NDRG3: variants seen among roughly 807,000 people sequenced by gnomAD.
NDRG3 encodes NDRG family member 3.
A neutral mutation model predicts 57.2 loss-of-function variants in NDRG3; 23 were observed. The observed-to-expected ratio is 0.40, with a 90% CI of 0.29 to 0.57. The LOEUF is 0.57. Ranked by LOEUF, NDRG3 falls within the 20% of genes least tolerant of loss-of-function variation. The pLI, the probability that NDRG3 is intolerant of heterozygous loss-of-function variation, is 0.42. For synonymous variants in NDRG3, 132 were observed against 162.6 expected (o/e 0.81, Z 1.43); for missense variants, 384 against 457.3 (o/e 0.84, Z 1.46).
intron 12 of NDRG3, among the ~76,000 whole-genome samples, chr20:36,660,699 T>A (rs1448245937): frequency 6.6e-6 from 1 of 151,864 alleles, no homozygotes; most frequent in African/African-American, 2.4e-5. Context: ...TAGCTGGGAC[T>A]ACAGGCGCCC....
At position 36,665,180 on chromosome 20, in the gene NDRG3, T is replaced by C. The variant is rs541752854; in HGVS notation, c.758+56A>G. The C allele has an allele frequency of 6.7e-5, 108 of 1,608,380 alleles. No homozygotes were observed. The South Asian group carries it at 1.1e-3, about 17-fold the overall frequency. ...CACCAAATTAGTCTATGAAAGTCTA[T>C]GAACACCAAATTAGTCTATATTTGG... On this transcript the variant is annotated intron_variant, in intron 11 of 15. Coordinates refer to ENST00000349004, the MANE Select transcript of NDRG3 (RefSeq NM_032013.4).
At chr20:36,684,296 C>G in intron 6 of NDRG3, 117 bp downstream of exon 6, 1 of 796,204 alleles carries the variant, frequency 1.3e-6, no homozygotes, top group Non-Finnish European at 2.1e-6. Flanking sequence ...CCCCACTAAG[C>G]TCTAGGAGGA....
intron 2 of NDRG3, among the ~76,000 whole-genome samples, chr20:36,716,276 T>G (rs765940091): frequency 4.3e-4 from 66 of 152,076 alleles, no homozygotes; most frequent in Non-Finnish European, 8.8e-4. Flanking sequence ...CTCATGCCTG[T>G]AATCCCAGCA....
intron 8 of NDRG3, among the ~76,000 whole-genome samples, chr20:36,672,974 C>T (rs1462629211): frequency 3.9e-5 from 6 of 152,112 alleles, no homozygotes; most frequent in African/African-American, 9.7e-5. Context: ...AGCGATTTTC[C>T]GGCCTCAGCC....
exon 1 of NDRG3, chr20:36,746,079 AGCGGCGGCGGCGGCGGCGGCGGCGGCG>A (rs11466997): frequency 3.2e-4 from 81 of 251,428 alleles, 4 homozygotes; most frequent in Admixed American, 1.8e-3. Flanking sequence ...GTGCAGCAGC[AGCGGCGGCGGCGGCGGCGGCGGCGGCG>A]GCGGCGGCGG....
intron 6 of NDRG3, among the ~76,000 whole-genome samples, chr20:36,682,891 C>G (rs1981434464): frequency 6.6e-6 from 1 of 150,826 alleles, no homozygotes; most frequent in Non-Finnish European, 1.5e-5. Context: ...CATGGTGAAA[C>G]CCCGTCTCTA....
chr20:36,672,594 C>T (rs1980267027), intron 8 of NDRG3, among the ~76,000 whole-genome samples: 1 of 152,040 alleles, frequency 6.6e-6, no homozygotes, highest in African/African-American at 2.4e-5. Flanking sequence ...TGTGGGAGGC[C>T]GAGGCCAGCG....
chr20:36,743,498 A>AAATAAT (rs560116629), intron 1 of NDRG3, among the ~76,000 whole-genome samples: 1 of 148,784 alleles, frequency 6.7e-6, no homozygotes, highest in Admixed American at 6.7e-5. Context: ...CCGTCTCAAA[A>AAATAAT]AATAATAATA....
At chr20:36,692,078 C>G (rs1222695432) in intron 3 of NDRG3, among the ~76,000 whole-genome samples, 1 of 152,136 alleles carries the variant, frequency 6.6e-6, no homozygotes, top group Non-Finnish European at 1.5e-5. Context: ...ATTACCTTCA[C>G]TAAACAGACA....
intron 3 of NDRG3, among the ~76,000 whole-genome samples, chr20:36,701,373 C>CA (rs1983210266): frequency 6.6e-6 from 1 of 151,688 alleles, no homozygotes; most frequent in Admixed American, 6.6e-5. Flanking sequence ...CCCATCTCTA[C>CA]AAAAAATATA....
chr20:36,669,058 ATT>A (rs755486543), intron 9 of NDRG3, among the ~76,000 whole-genome samples: 9 of 142,082 alleles, frequency 6.3e-5, no homozygotes, highest in Non-Finnish European at 7.7e-5. Context: ...TGATTTTTGA[ATT>A]TTTTTTTTTT....
chr20:36,731,911 A>G (rs183542877), intron 1 of NDRG3, among the ~76,000 whole-genome samples: 1 of 152,134 alleles, frequency 6.6e-6, no homozygotes, highest in South Asian at 2.1e-4. Context: ...ACTTGAGTCC[A>G]GGAGCTCAAG....
chr20:36,678,314 T>G (rs537822369), intron 8 of NDRG3, among the ~76,000 whole-genome samples: 2 of 151,654 alleles, frequency 1.3e-5, no homozygotes, highest in Non-Finnish European at 2.9e-5. Flanking sequence ...GGCAAAAGAG[T>G]TGAACAAACA....
chr20:36,694,406 C>A (rs979642718), intron 3 of NDRG3, among the ~76,000 whole-genome samples: 1 of 152,202 alleles, frequency 6.6e-6, no homozygotes, highest in African/African-American at 2.4e-5. Flanking sequence ...TCTTGAATAA[C>A]TGGAACCCTT....
intron 1 of NDRG3, among the ~76,000 whole-genome samples, chr20:36,733,160 AAAAAAAAAAAAATATATAT>A (rs1433742410): frequency 1.8e-5 from 1 of 54,730 alleles, no homozygotes; most frequent in African/African-American, 1.2e-4. Context: ...AAAAAAAAAA[AAAAAAAAAAAAATATATAT>A]ATATATATAT....
chr20:36,662,425 C>G (rs997480052), intron 12 of NDRG3, among the ~76,000 whole-genome samples: 6 of 152,018 alleles, frequency 3.9e-5, no homozygotes, highest in Non-Finnish European at 8.8e-5. Context: ...GCCATGTTGG[C>G]CAGGCTGGAA....
At chr20:36,690,948 G>A (rs899429008) in intron 3 of NDRG3, among the ~76,000 whole-genome samples, 3 of 152,256 alleles carry the variant, frequency 2.0e-5, no homozygotes, top group African/African-American at 7.2e-5. Context: ...GGAAAAAAAA[G>A]GGACTACTGA....
intron 12 of NDRG3, among the ~76,000 whole-genome samples, chr20:36,661,780 T>C (rs1282665578): frequency 1.3e-5 from 2 of 152,156 alleles, no homozygotes; most frequent in Admixed American, 6.5e-5. Flanking sequence ...GCCTACATGA[T>C]AGACTGCAAG....
intron 8 of NDRG3, 121 bp from the exon 9 acceptor site, chr20:36,671,518 C>T (rs1600869257): frequency 1.3e-6 from 1 of 754,000 alleles, no homozygotes; most frequent in Non-Finnish European, 2.2e-6. Context: ...ATGAAAAACC[C>T]TTGGCCAGGT....
Sources: gnomAD v4.1 joint callset for allele counts (sites outside exome capture counted in the v4.1 genomes callset) on GRCh38, gnomAD v4.1.1 for gene constraint, MANE v1.5 for transcripts, NCBI Gene and HGNC (gene_info 2026-07-23, HGNC 2026-07-21) for gene names.